The following EVA1C variants were observed in gnomAD, a reference collection of about 807,000 sequenced individuals.
EVA1C encodes eva-1 homolog C.
Under a neutral mutation model 45.4 loss-of-function variants are expected in EVA1C, and 25 were observed. The ratio of observed to expected loss-of-function variants is 0.55; its 90% confidence interval spans 0.40 to 0.77. EVA1C has a LOEUF of 0.77. Ranked by LOEUF, EVA1C falls within the 30% of genes least tolerant of loss-of-function variation. The pLI is 0.00. For synonymous variants in EVA1C, 190 were observed against 221.2 expected, an observed-to-expected ratio of 0.86 and a Z score of 1.25; for missense variants, 479 against 554.8, an observed-to-expected ratio of 0.86 and a Z score of 1.37.
intron 5 of EVA1C, among the ~76,000 whole-genome samples, chr21:32,500,753 T>G (rs1438623089): frequency 6.6e-6 from 1 of 152,192 alleles, no homozygotes; most frequent in Non-Finnish European, 1.5e-5. Flanking sequence ...GGTTGGCTTC[T>G]TTAACTGAAT....
intron 1 of EVA1C, among the ~76,000 whole-genome samples, chr21:32,444,289 C>T (rs1188042571): frequency 1.3e-5 from 2 of 152,132 alleles, no homozygotes; most frequent in Non-Finnish European, 2.9e-5. Flanking sequence ...GAATGAGTCT[C>T]GGTCCCCAAG....
chr21:32,507,700 A>G (rs571385289), intron 7 of EVA1C, among the ~76,000 whole-genome samples: 19 of 143,708 alleles, frequency 1.3e-4, no homozygotes, highest in Admixed American at 3.4e-4. Flanking sequence ...GTGCATGCGT[A>G]TGTGCACGTG....
chr21:32,510,915 C>A (rs2037925412), intron 7 of EVA1C, among the ~76,000 whole-genome samples: 1 of 152,112 alleles, frequency 6.6e-6, no homozygotes, highest in Admixed American at 6.5e-5. Context: ...TAGTACATGC[C>A]TGTAGTCCCA....
intron 1 of EVA1C, among the ~76,000 whole-genome samples, chr21:32,424,664 G>A (rs1219589028): frequency 7.2e-5 from 11 of 152,218 alleles, no homozygotes; most frequent in Non-Finnish European, 1.5e-4. Flanking sequence ...ATGAAAAGAG[G>A]TCTTGAGAAC....
chr21:32,458,149 G>A (rs147349599), intron 3 of EVA1C, among the ~76,000 whole-genome samples: 13 of 152,202 alleles, frequency 8.5e-5, no homozygotes, highest in East Asian at 1.9e-4. Flanking sequence ...TGCCACCTGC[G>A]CCCACTGCTT....
intron 1 of EVA1C, among the ~76,000 whole-genome samples, chr21:32,417,892 A>T (rs1184045004): frequency 1.3e-5 from 2 of 152,034 alleles, no homozygotes; most frequent in Non-Finnish European, 2.9e-5. Flanking sequence ...CCAGTCACTG[A>T]TCTCTTTTTG....
intron 1 of EVA1C, among the ~76,000 whole-genome samples, chr21:32,419,584 A>C (rs1264364717): frequency 6.6e-6 from 1 of 152,170 alleles, no homozygotes; most frequent in Non-Finnish European, 1.5e-5. Flanking sequence ...GCATAGTGGC[A>C]TGCTCCTGTA....
chr21:32,427,057 C>T (rs112539080), intron 1 of EVA1C, among the ~76,000 whole-genome samples: 156 of 152,252 alleles, frequency 1.0e-3, no homozygotes, highest in African/African-American at 3.7e-3. Flanking sequence ...GGGTGATGTA[C>T]GAATGCTGTC....
At chr21:32,470,241 A>C (rs2036320181) in intron 4 of EVA1C, among the ~76,000 whole-genome samples, 2 of 152,232 alleles carry the variant, frequency 1.3e-5, no homozygotes. Context: ...AGCTAAGCGC[A>C]CTTTAACTCA....
At position 32,457,599 on chromosome 21, in the gene EVA1C, G is replaced by A; in HGVS notation, c.360G>A (p.Lys120=). Residue 120 remains lysine, a splice_region_variant and synonymous_variant, in exon 3 of 8, where the codon AAG becomes AAA. Coordinates refer to ENST00000300255, the MANE Select transcript of EVA1C (RefSeq NM_058187.5). ...LTCVAATTFQ[K]VLDECQNQRA... is the part of the protein sequence containing the mutation. Reference sequence around the variant, plus strand: ...CCTTTTCTACCCTCTCCTTCTAGAAGGTGCTGGACGAATGCCAGAACCAGC... The same window carrying A: ...CCTTTTCTACCCTCTCCTTCTAGAAAGTGCTGGACGAATGCCAGAACCAGC... 6.2e-7 allele frequency: 1 copy of A among 1,614,186 alleles called. No homozygotes were observed. The highest frequency in any genetic ancestry group is 1.3e-5 in the African/African-American group (1 of 75,060).
intron 1 of EVA1C, among the ~76,000 whole-genome samples, chr21:32,416,626 G>T (rs2034060575): frequency 6.6e-6 from 1 of 152,094 alleles, no homozygotes; most frequent in Non-Finnish European, 1.5e-5. Context: ...ACCGCACCCA[G>T]CCTCTCCTTT....
chr21:32,484,186 C>G (rs943731799), intron 4 of EVA1C, among the ~76,000 whole-genome samples: 2 of 152,076 alleles, frequency 1.3e-5, no homozygotes, highest in African/African-American at 4.8e-5. Context: ...TCCTCCAAAC[C>G]CCAGGGTTCC....
chr21:32,502,570 G>C (rs541167220), intron 6 of EVA1C, among the ~76,000 whole-genome samples: 1 of 152,106 alleles, frequency 6.6e-6, no homozygotes. Context: ...TGTGGTGAGA[G>C]TTTTGTCTTG....
intron 1 of EVA1C, among the ~76,000 whole-genome samples, chr21:32,442,912 A>G (rs796643386): frequency 5.3e-5 from 8 of 151,496 alleles, no homozygotes; most frequent in African/African-American, 1.7e-4. Flanking sequence ...GAAAATGTAC[A>G]GCTCTTTTGA....
intron 7 of EVA1C, among the ~76,000 whole-genome samples, chr21:32,509,955 G>A (rs2037892089): frequency 6.6e-6 from 1 of 151,880 alleles, no homozygotes; most frequent in South Asian, 2.1e-4. Flanking sequence ...ACTTGGGGAG[G>A]GTGACAAGGG....
intron 7 of EVA1C, among the ~76,000 whole-genome samples, chr21:32,507,495 C>T (rs924079565): frequency 2.6e-4 from 37 of 140,524 alleles, no homozygotes; most frequent in African/African-American, 8.3e-4. Flanking sequence ...CGTCTGTGTG[C>T]GTGTGTCTGT....
At chr21:32,512,069 T>C (rs1010997034) in intron 7 of EVA1C, among the ~76,000 whole-genome samples, 18 of 151,856 alleles carry the variant, frequency 1.2e-4, no homozygotes, top group Non-Finnish European at 2.4e-4. Flanking sequence ...TAGGAATACA[T>C]AGAGACGGAA....
intron 7 of EVA1C, among the ~76,000 whole-genome samples, chr21:32,507,800 C>A (rs1256961116): frequency 4.1e-5 from 6 of 147,566 alleles, no homozygotes; most frequent in Admixed American, 4.1e-4. Context: ...ATATGTGTAT[C>A]TCTGTGTGCA....
At chr21:32,457,786 C>A in intron 3 of EVA1C, 66 bp downstream of exon 3, 2 of 1,586,472 alleles carry the variant, frequency 1.3e-6, no homozygotes, top group South Asian at 2.2e-5. Flanking sequence ...CACTCCTGGT[C>A]AAAATTCTCT....
Sources: allele counts gnomAD v4.1 joint callset (sites outside exome capture counted in the v4.1 genomes callset), GRCh38; gene constraint gnomAD v4.1.1; transcripts MANE v1.5; gene names NCBI Gene and HGNC (gene_info 2026-07-23, HGNC 2026-07-21).